Variants in BARD1 observed in about 807,000 individuals in gnomAD.
BARD1 encodes the protein BRCA1 associated RING domain 1.
In BARD1, 73 loss-of-function variants were observed where a neutral mutation model predicts 77.0. The observed-to-expected ratio is 0.95, with a 90% confidence interval of 0.79 to 1.15. The LOEUF is 1.15. Among genes scored for constraint, BARD1 ranks in the 50% most tolerant of loss-of-function variants. BARD1 has a pLI of 0.00. For missense variants in BARD1, 993 were observed against 938.8 expected (o/e 1.06, Z -0.75); for synonymous variants, 384 against 338.0 (o/e 1.14, Z -1.49).
chr2:214,758,625 G>C (rs1330095076), intron 6 of BARD1, among the ~76,000 whole-genome samples: 2 of 152,176 alleles, frequency 1.3e-5, no homozygotes, highest in Non-Finnish European at 2.9e-5. Context: ...TAAAGAGTAT[G>C]AACCACATAA....
chr2:214,734,141 T>C (rs968878244), intron 9 of BARD1, among the ~76,000 whole-genome samples: 3 of 152,132 alleles, frequency 2.0e-5, no homozygotes, highest in Non-Finnish European at 4.4e-5. Context: ...CAAAGTTGTT[T>C]CTGAAAATAA....
chr2:214,733,703 T>C (rs1296484233), intron 9 of BARD1, among the ~76,000 whole-genome samples: 1 of 152,194 alleles, frequency 6.6e-6, no homozygotes, highest in Non-Finnish European at 1.5e-5. Context: ...TTTTATTGCT[T>C]TATTTTCCTC....
intron 2 of BARD1, among the ~76,000 whole-genome samples, chr2:214,793,341 A>C (rs536403123): frequency 1.3e-5 from 2 of 152,292 alleles, no homozygotes; most frequent in South Asian, 4.1e-4. Context: ...GTAACTCAAA[A>C]AAAATTGTAA....
At chr2:214,755,485 C>T (rs1001273377) in intron 6 of BARD1, among the ~76,000 whole-genome samples, 2 of 152,132 alleles carry the variant, frequency 1.3e-5, no homozygotes, top group African/African-American at 4.8e-5. Context: ...TGCCTATAAT[C>T]CTACTGAGGA....
At chr2:214,752,825 T>C (rs1469036082) in intron 6 of BARD1, among the ~76,000 whole-genome samples, 2 of 152,178 alleles carry the variant, frequency 1.3e-5, no homozygotes, top group Non-Finnish European at 2.9e-5. Context: ...TATTAAAATA[T>C]GGCTTCATAA....
chr2:214,803,130 C>G (rs529540222), intron 1 of BARD1, among the ~76,000 whole-genome samples: 1 of 152,134 alleles, frequency 6.6e-6, no homozygotes, highest in South Asian at 2.1e-4. Flanking sequence ...AGGCAGCTTG[C>G]TCCTTAAGAG....
chr2:214,802,640 A>G (rs773931139), intron 1 of BARD1, among the ~76,000 whole-genome samples: 12 of 152,328 alleles, frequency 7.9e-5, no homozygotes, highest in East Asian at 7.7e-4. Context: ...CAGGATTTCA[A>G]TAAGTTCTTA....
intron 9 of BARD1, among the ~76,000 whole-genome samples, chr2:214,741,393 A>G (rs150046069): frequency 2.3e-4 from 35 of 152,324 alleles, no homozygotes; most frequent in African/African-American, 7.9e-4. Context: ...AAATTTTGAA[A>G]GCAGTGTACT....
chr2:214,734,120 A>G (rs1316005281), intron 9 of BARD1, among the ~76,000 whole-genome samples: 3 of 152,140 alleles, frequency 2.0e-5, no homozygotes, highest in African/African-American at 7.2e-5. Context: ...TTTGAATAAA[A>G]TGTTTGAATG....
At chr2:214,749,317 G>A (rs1298354068) in intron 7 of BARD1, among the ~76,000 whole-genome samples, 1 of 152,180 alleles carries the variant, frequency 6.6e-6, no homozygotes, top group African/African-American at 2.4e-5. Flanking sequence ...GTGGCTGGGG[G>A]AAGGTATATT....
chr2:214,742,825 C>T (rs566924056), intron 9 of BARD1, among the ~76,000 whole-genome samples: 1 of 152,286 alleles, frequency 6.6e-6, no homozygotes, highest in South Asian at 2.1e-4. Context: ...TTCAAAATTT[C>T]GTATGGCTTC....
Position 214,780,763 on chromosome 2 carries a change from T to A in BARD1, c.1111A>T (p.Lys371Ter), listed in dbSNP as rs1364256214. The A allele has an allele frequency of 6.2e-7, 1 of 1,613,992 alleles. No homozygotes were observed. Among genetic ancestry groups the A allele is most frequent in the African/African-American group, 1.3e-5 (1 of 74,932 alleles). The change falls in exon 4 of 11, where the codon AAA (lysine) becomes TAA (stop). Residue 371 changes from lysine (K) to a stop codon, truncating the protein, a stop_gained. Coordinates refer to ENST00000260947, the MANE Select transcript of BARD1 (RefSeq NM_000465.4). LOFTEE classifies it high-confidence loss of function. Reference sequence around the variant, plus strand: ...TTCCTCCCTGATGTACCACCAACTTTACGTTTGCATGAAGGTGGTGAAGAA... The same window carrying A: ...TTCCTCCCTGATGTACCACCAACTTAACGTTTGCATGAAGGTGGTGAAGAA... ...ECSSPPSCKRKVGGTSGRKNS... is the reference protein window; with the variant it reads ...ECSSPPSCKR
intron 9 of BARD1, among the ~76,000 whole-genome samples, chr2:214,735,026 C>A (rs897909079): frequency 1.3e-5 from 2 of 152,194 alleles, no homozygotes; most frequent in African/African-American, 4.8e-5. Context: ...TTTCCATCAA[C>A]TGATCAATAC....
At chr2:214,778,423 C>T (rs903990530) in intron 4 of BARD1, among the ~76,000 whole-genome samples, 1 of 151,874 alleles carries the variant, frequency 6.6e-6, no homozygotes, top group Admixed American at 6.6e-5. Context: ...ACAATAATTG[C>T]ATTTAATAAT....
At chr2:214,736,252 T>A (rs556545761) in intron 9 of BARD1, among the ~76,000 whole-genome samples, 1 of 152,224 alleles carries the variant, frequency 6.6e-6, no homozygotes, top group South Asian at 2.1e-4. Flanking sequence ...CTAGAAGCAC[T>A]GCCAGTGTGC....
At chr2:214,729,429 T>A (rs1692252554) in intron 10 of BARD1, among the ~76,000 whole-genome samples, 1 of 152,214 alleles carries the variant, frequency 6.6e-6, no homozygotes, top group Non-Finnish European at 1.5e-5. Flanking sequence ...GGATTAGGAA[T>A]GCTCCATCTG....
At chr2:214,770,222 CT>C (rs1694416600) in intron 4 of BARD1, among the ~76,000 whole-genome samples, 2 of 152,344 alleles carry the variant, frequency 1.3e-5, no homozygotes, top group South Asian at 2.1e-4. Flanking sequence ...TTTTATCCCC[CT>C]GCTCCCCGCC....
chr2:214,742,113 T>A (rs1559383477), intron 9 of BARD1, among the ~76,000 whole-genome samples: 1 of 152,222 alleles, frequency 6.6e-6, no homozygotes, highest in Non-Finnish European at 1.5e-5. Flanking sequence ...GACTCAAACA[T>A]GAGACCTAGT....
At chr2:214,740,460 G>A (rs1346688780) in intron 9 of BARD1, among the ~76,000 whole-genome samples, 2 of 151,916 alleles carry the variant, frequency 1.3e-5, no homozygotes, top group Non-Finnish European at 2.9e-5. Flanking sequence ...TTTTAAAACT[G>A]TTATAAACAA....
Sources: allele counts gnomAD v4.1 joint callset (sites outside exome capture counted in the v4.1 genomes callset), GRCh38; gene constraint gnomAD v4.1.1; transcripts MANE v1.5; gene names NCBI Gene and HGNC (gene_info 2026-07-23, HGNC 2026-07-21).